The following PIK3C2G variants were observed in gnomAD, a reference collection of about 807,000 sequenced individuals.
PIK3C2G encodes phosphatidylinositol 3-kinase C2 domain-containing subunit gamma.
In PIK3C2G, 168 loss-of-function variants were observed where a neutral mutation model predicts 181.1. The observed-to-expected ratio is 0.93, with a 90% CI of 0.82 to 1.05. The LOEUF is 1.05. Among genes scored for constraint, PIK3C2G ranks in the 50% least tolerant of loss-of-function variants. PIK3C2G has a pLI of 0.00. For missense variants in PIK3C2G, 1,869 were observed against 1,732.8 expected (o/e 1.08, Z -1.40); for synonymous variants, 573 against 592.2 (o/e 0.97, Z 0.47).
the PIK3C2G span, among the ~76,000 whole-genome samples, chr12:18,669,909 T>C: frequency 6.6e-6 from 1 of 152,082 alleles, no homozygotes; most frequent in Non-Finnish European, 1.5e-5. Flanking sequence ...GACCTTGTGA[T>C]CCGCCCACCT....
intron 26 of PIK3C2G, among the ~76,000 whole-genome samples, chr12:18,560,124 C>T (rs1945272384): frequency 1.3e-5 from 2 of 151,760 alleles, no homozygotes; most frequent in Admixed American, 6.6e-5. Flanking sequence ...AGCCACCGCA[C>T]CTGGCCAAAA....
chr12:18,372,363 T>C (rs1465292423), intron 13 of PIK3C2G, among the ~76,000 whole-genome samples: 2 of 152,154 alleles, frequency 1.3e-5, no homozygotes, highest in Non-Finnish European at 2.9e-5. Context: ...TCAATACAAG[T>C]TTGTTTACTA....
At chr12:18,642,134 T>G (rs1350101576) in intron 32 of PIK3C2G, among the ~76,000 whole-genome samples, 1 of 152,218 alleles carries the variant, frequency 6.6e-6, no homozygotes, top group Admixed American at 6.5e-5. Context: ...CCATTCATTC[T>G]TTCTTTTATA....
intron 18 of PIK3C2G, among the ~76,000 whole-genome samples, chr12:18,447,747 G>A (rs1027081502): frequency 7.9e-5 from 12 of 152,014 alleles, no homozygotes; most frequent in South Asian, 4.1e-4. Context: ...CTATTCTGTC[G>A]TAGAATCTTT....
At position 18,309,213 on chromosome 12, in the gene PIK3C2G, A is replaced by G. The variant is rs561904657; in HGVS notation, c.1035-4749A>G. 3.3e-5 allele frequency among the ~76,000 whole-genome samples: 5 copies of G among 151,832 alleles called. No homozygotes were observed. The South Asian group carries it at 6.2e-4, about 19-fold the overall frequency. On this transcript the variant is annotated intron_variant, in intron 5 of 32. Coordinates refer to ENST00000538779, the MANE Select transcript of PIK3C2G (RefSeq NM_001288772.2). ...TTGCCCTATTGATAAATCTTTTTTT[A>G]CCCATGCAAGATTTGAAGCATCATG...
chr12:18,546,539 G>C lies in PIK3C2G; in HGVS notation c.3590+107G>C, dbSNP rs1592547707. The stretch of plus-strand genomic sequence containing the variant: ...GACCAGTCATTGGTATGAAGCTGTT[G>C]TTTCTAGAACAAGCTTGTGTTCCCT... On this transcript the variant is annotated intron_variant, in intron 26 of 32. Coordinates refer to ENST00000538779, the MANE Select transcript of PIK3C2G (RefSeq NM_001288772.2). The C allele has an allele frequency of 1.0e-5, 7 of 676,210 alleles. No homozygotes were observed. The South Asian group carries it at 1.2e-4, about 12-fold the overall frequency. 41.9% of individuals were successfully genotyped at this position (676,210 alleles called of 1,614,324 possible). A position where few individuals can be genotyped will look rare whatever the true frequency, so the allele number is the denominator to read the frequency against.
At chr12:18,401,155 C>T (rs995818754) in intron 16 of PIK3C2G, among the ~76,000 whole-genome samples, 5 of 152,032 alleles carry the variant, frequency 3.3e-5, no homozygotes, top group Non-Finnish European at 5.9e-5. Flanking sequence ...TTACCTAGGA[C>T]GTAGTAATTC....
chr12:18,631,505 G>T (rs1472797909), intron 31 of PIK3C2G, among the ~76,000 whole-genome samples: 1 of 152,140 alleles, frequency 6.6e-6, no homozygotes, highest in Non-Finnish European at 1.5e-5. Context: ...ATACAATGGG[G>T]AATCCTCGAA....
At chr12:18,267,212 T>A (rs1948540502) in intron 1 of PIK3C2G, among the ~76,000 whole-genome samples, 2 of 152,114 alleles carry the variant, frequency 1.3e-5, no homozygotes, top group Admixed American at 6.6e-5. Context: ...ATATTTTAAA[T>A]ATGTGACTGA....
chr12:18,282,452 G>A lies in PIK3C2G; in HGVS notation c.371G>A (p.Cys124Tyr), dbSNP rs761165027. The change falls in exon 2 of 33, where the codon TGC (cysteine) becomes TAC (tyrosine). Residue 124 changes from cysteine (C) to tyrosine (Y), a missense_variant. Transcript: ENST00000538779. ...LPKPQNTNKE[C>Y]SWGSPIGKHH... ...AAACCTCAAAATACGAATAAAGAAT[G>A]CTCCTGGGGAAGCCCCATAGGAAAA... 3 of 1,593,240 alleles carry A rather than the reference G, an allele frequency of 1.9e-6. No individual in the cohort carries two copies. Among genetic ancestry groups the A allele is most frequent in the East Asian group, 2.3e-5 (1 of 44,432 alleles).
At chr12:18,290,258 T>A (rs187291756) in intron 3 of PIK3C2G, among the ~76,000 whole-genome samples, 2 of 152,310 alleles carry the variant, frequency 1.3e-5, no homozygotes, top group South Asian at 2.1e-4. Flanking sequence ...AAGGATAAAC[T>A]GTTTTTGCAA....
intron 1 of PIK3C2G, among the ~76,000 whole-genome samples, chr12:18,269,442 T>C (rs1214580727): frequency 6.6e-6 from 1 of 152,126 alleles, no homozygotes. Flanking sequence ...AGGGCAGTAA[T>C]GAAACATTAT....
intron 24 of PIK3C2G, among the ~76,000 whole-genome samples, chr12:18,511,460 C>T (rs1049852975): frequency 1.2e-4 from 18 of 151,952 alleles, no homozygotes; most frequent in African/African-American, 4.1e-4. Flanking sequence ...CATAATTTCC[C>T]TTTTTTTAAA....
chr12:18,246,393 G>T (rs1159636422), upstream of PIK3C2G, among the ~76,000 whole-genome samples: 1 of 152,076 alleles, frequency 6.6e-6, no homozygotes, highest in Non-Finnish European at 1.5e-5. Context: ...CTGTGAATCT[G>T]ATGTATTATA....
chr12:18,719,331 G>T, the PIK3C2G span: 1 of 597,766 alleles, frequency 1.7e-6, no homozygotes. Flanking sequence ...ATAACATGGA[G>T]AGTCTTCTTT....
At chr12:18,496,674 A>G (rs895174036) in intron 21 of PIK3C2G, among the ~76,000 whole-genome samples, 9 of 152,148 alleles carry the variant, frequency 5.9e-5, no homozygotes, top group Non-Finnish European at 1.2e-4. Flanking sequence ...AGCACGTAGG[A>G]AAGAGGGAAC....
chr12:18,333,264 C>T (rs992253860), intron 8 of PIK3C2G, among the ~76,000 whole-genome samples: 29 of 151,824 alleles, frequency 1.9e-4, no homozygotes, highest in African/African-American at 6.5e-4. Flanking sequence ...GCAGAGAGAT[C>T]GATGTTCTAT....
intron 32 of PIK3C2G, among the ~76,000 whole-genome samples, chr12:18,643,298 A>T (rs644164): frequency 1.3e-5 from 2 of 151,928 alleles, no homozygotes; most frequent in Non-Finnish European, 2.9e-5. Flanking sequence ...CTATACTTGT[A>T]GCATGAATAG....
At chr12:18,339,751 G>A (rs1401659220) in intron 9 of PIK3C2G, among the ~76,000 whole-genome samples, 1 of 152,028 alleles carries the variant, frequency 6.6e-6, no homozygotes, top group African/African-American at 2.4e-5. Flanking sequence ...CCAAAGTTTT[G>A]TGTGATTAGA....
Sources: allele counts gnomAD v4.1 joint callset (sites outside exome capture counted in the v4.1 genomes callset), GRCh38; gene constraint gnomAD v4.1.1; transcripts MANE v1.5; gene names NCBI Gene and HGNC (gene_info 2026-07-23, HGNC 2026-07-21).